Variants in TEKTL1 observed in about 807,000 individuals in gnomAD.
The protein encoded by TEKTL1 is tektin-like protein 1.
chr19:15,022,787 A>G, the TEKTL1 span: 1 of 1,360,782 alleles, frequency 7.3e-7, no homozygotes, highest in Non-Finnish European at 9.9e-7. Flanking sequence ...TGTGTTCCTT[A>G]CACACACACC....
the TEKTL1 span, among the ~76,000 whole-genome samples, chr19:15,019,932 A>T: frequency 6.6e-6 from 1 of 151,788 alleles, no homozygotes; most frequent in South Asian, 2.1e-4. Flanking sequence ...CCACCACTGC[A>T]CTACAACCTG....
At chr19:15,015,671 C>A in the TEKTL1 span, among the ~76,000 whole-genome samples, 3 of 152,022 alleles carry the variant, frequency 2.0e-5, no homozygotes, top group African/African-American at 7.2e-5. Context: ...GGATTGCAAT[C>A]CAGCCTGGAA....
chr19:15,011,656 C>G, the TEKTL1 span, among the ~76,000 whole-genome samples: 1 of 151,504 alleles, frequency 6.6e-6, no homozygotes, highest in Admixed American at 6.6e-5. Flanking sequence ...ATCACTTGAA[C>G]CCGGGAGGCA....
At chr19:15,013,705 G>A in the TEKTL1 span, 20 of 1,613,850 alleles carry the variant, frequency 1.2e-5, 1 homozygote, top group South Asian at 2.2e-5. Flanking sequence ...GCTTACATGG[G>A]AGAAAGAGGA....
chr19:15,019,173 T>C, the TEKTL1 span, among the ~76,000 whole-genome samples: 1 of 152,090 alleles, frequency 6.6e-6, no homozygotes, highest in East Asian at 1.9e-4. Flanking sequence ...GGTCTTGAAC[T>C]CCTAGGCTCA....
the TEKTL1 span, among the ~76,000 whole-genome samples, chr19:15,012,061 G>A: frequency 6.6e-6 from 1 of 151,496 alleles, no homozygotes; most frequent in Non-Finnish European, 1.5e-5. Flanking sequence ...TTGGAGACCA[G>A]CCTGAGCAAC....
At chr19:15,010,964 TG>T in the TEKTL1 span, 1 of 1,593,554 alleles carries the variant, frequency 6.3e-7, no homozygotes, top group South Asian at 1.1e-5. Flanking sequence ...GGTGACCATG[TG>T]GCAGCCCAAG....
chr19:15,022,935 C>T, the TEKTL1 span: 3 of 1,611,398 alleles, frequency 1.9e-6, no homozygotes, highest in African/African-American at 1.3e-5. Context: ...CTGCTCGCCA[C>T]GCACAAGAAC....
At chr19:15,021,011 C>A in the TEKTL1 span, among the ~76,000 whole-genome samples, 1 of 151,958 alleles carries the variant, frequency 6.6e-6, no homozygotes. Flanking sequence ...TCCTGAGCAG[C>A]TGGGATTACA....
the TEKTL1 span, among the ~76,000 whole-genome samples, chr19:15,012,770 T>C: frequency 6.6e-6 from 1 of 151,700 alleles, no homozygotes; most frequent in African/African-American, 2.4e-5. Flanking sequence ...CCCACAGCCC[T>C]CAGCCCAGGC....
At chr19:15,021,237 G>T in the TEKTL1 span, 5 of 1,364,244 alleles carry the variant, frequency 3.7e-6, no homozygotes, top group Non-Finnish European at 4.9e-6. Context: ...CTTTCACCCA[G>T]TTCCTCAATA....
the TEKTL1 span, among the ~76,000 whole-genome samples, chr19:15,018,562 T>A: frequency 3.4e-5 from 5 of 148,778 alleles, no homozygotes; most frequent in African/African-American, 9.9e-5. Context: ...TAAAAAAAAA[T>A]AATTAGCCAG....
chr19:15,016,119 G>A, the TEKTL1 span, among the ~76,000 whole-genome samples: 63,856 of 150,044 alleles, frequency 0.43, 14,125 homozygotes, highest in East Asian at 0.64. Context: ...GGTCGAGGGT[G>A]TGGACGAGGT....
chr19:15,021,112 C>T, the TEKTL1 span, among the ~76,000 whole-genome samples: 1 of 152,020 alleles, frequency 6.6e-6, no homozygotes, highest in African/African-American at 2.4e-5. Flanking sequence ...AACTCCTGAC[C>T]TCAGGTGATC....
At chr19:15,021,677 A>T in the TEKTL1 span, 1 of 1,613,996 alleles carries the variant, frequency 6.2e-7, no homozygotes, top group Non-Finnish European at 8.5e-7. Flanking sequence ...ACGAAATATA[A>T]CCAAGAGTTG....
the TEKTL1 span, among the ~76,000 whole-genome samples, chr19:15,017,470 G>C: frequency 6.6e-6 from 1 of 152,286 alleles, no homozygotes; most frequent in African/African-American, 2.4e-5. Context: ...GAGGAAGTAA[G>C]ATTTCGATGG....
At chr19:15,011,180 G>T in the TEKTL1 span, 5 of 1,492,076 alleles carry the variant, frequency 3.4e-6, no homozygotes, top group African/African-American at 5.7e-5. Flanking sequence ...CAAAGCGCGC[G>T]CCCTGCAGAC....
the TEKTL1 span, among the ~76,000 whole-genome samples, chr19:15,012,266 A>G: frequency 0.026 from 3,917 of 151,746 alleles, 143 homozygotes; most frequent in African/African-American, 0.089. Flanking sequence ...ATCTCTCCAA[A>G]AATTGCAGGT....
At chr19:15,020,365 C>A in the TEKTL1 span, 2 of 1,050,320 alleles carry the variant, frequency 1.9e-6, no homozygotes, top group Non-Finnish European at 1.4e-6. Context: ...TGCTTTACAG[C>A]CTATAAGGCT....
Sources: allele counts gnomAD v4.1 joint callset (sites outside exome capture counted in the v4.1 genomes callset), GRCh38; gene constraint gnomAD v4.1.1; transcripts MANE v1.5; gene names NCBI Gene and HGNC (gene_info 2026-07-23, HGNC 2026-07-21).